NOL4: variants seen among roughly 807,000 people sequenced by gnomAD.
NOL4 encodes cancer/testis antigen 125.
Under a neutral mutation model 75.9 loss-of-function variants are expected in NOL4, and 17 were observed. The ratio of observed to expected loss-of-function variants is 0.22; its 90% CI spans 0.15 to 0.34. NOL4 has a LOEUF of 0.34. Among genes scored for constraint, NOL4 ranks in the 10% least tolerant of loss-of-function variants. The probability of loss-of-function intolerance (pLI) is 1.00; values close to 1 mark genes in which losing one functional copy is unlikely to be tolerated. For missense variants in NOL4, 614 were observed against 793.5 expected (o/e 0.77, Z 2.72); for synonymous variants, 292 against 289.9 (o/e 1.01, Z -0.07).
At chr18:33,886,870 C>CAT (rs2064716926) in intron 9 of NOL4, among the ~76,000 whole-genome samples, 1 of 137,592 alleles carries the variant, frequency 7.3e-6, no homozygotes, top group Admixed American at 7.4e-5. Context: ...TATCTATATA[C>CAT]ATATATATCT....
intron 8 of NOL4, among the ~76,000 whole-genome samples, chr18:33,950,898 C>A (rs2069172446): frequency 6.6e-6 from 1 of 152,102 alleles, no homozygotes; most frequent in Admixed American, 6.6e-5. Flanking sequence ...ACACCAGGTA[C>A]CATACTAGGT....
chr18:34,158,409 C>A (rs2030831521), intron 1 of NOL4, among the ~76,000 whole-genome samples: 1 of 152,110 alleles, frequency 6.6e-6, no homozygotes, highest in Non-Finnish European at 1.5e-5. Context: ...ATTTAATTTA[C>A]CCCCCACCCT....
chr18:33,854,781 G>A (rs1002708035), intron 10 of NOL4, among the ~76,000 whole-genome samples: 1 of 151,552 alleles, frequency 6.6e-6, no homozygotes, highest in Non-Finnish European at 1.5e-5. Context: ...GATGGTTTTT[G>A]CTGTCAATCC....
At chr18:34,196,321 C>G (rs1179329113) in intron 1 of NOL4, among the ~76,000 whole-genome samples, 3 of 152,062 alleles carry the variant, frequency 2.0e-5, no homozygotes, top group African/African-American at 7.2e-5. Context: ...TTTACTCAAA[C>G]TAAGGAAGGT....
intron 9 of NOL4, among the ~76,000 whole-genome samples, chr18:33,938,268 A>G (rs899572516): frequency 7.2e-5 from 11 of 152,128 alleles, no homozygotes; most frequent in African/African-American, 2.4e-4. Flanking sequence ...AACTGTATCT[A>G]GAAATTGCCC....
At chr18:34,108,226 G>T (rs1202159522) in intron 2 of NOL4, among the ~76,000 whole-genome samples, 1 of 152,020 alleles carries the variant, frequency 6.6e-6, no homozygotes, top group Non-Finnish European at 1.5e-5. Context: ...TGAAGAAAAA[G>T]TAATCAAAAC....
At position 34,062,541 on chromosome 18, in the gene NOL4, A is replaced by G. The variant is rs529058121; in HGVS notation, c.772+30924T>C. On this transcript the variant is annotated intron_variant, in intron 5 of 10. Transcript: ENST00000261592. ...CATAAGTGTATAACATGCAGCAGCA[A>G]TAATGCCTGCCATTTCCATTCCATT... 5.9e-5 allele frequency among the ~76,000 whole-genome samples: 9 copies of G among 152,240 alleles called. No homozygotes were observed. In the South Asian group the frequency reaches 1.7e-3, roughly 28 times the overall value.
intron 4 of NOL4, among the ~76,000 whole-genome samples, chr18:34,102,507 G>C (rs557752290): frequency 6.6e-6 from 1 of 151,920 alleles, no homozygotes; most frequent in East Asian, 1.9e-4. Context: ...TTAAGGAAGC[G>C]TGACATCCAA....
intron 9 of NOL4, among the ~76,000 whole-genome samples, chr18:33,925,927 C>CT (rs1183809335): frequency 6.6e-6 from 1 of 152,052 alleles, no homozygotes; most frequent in Non-Finnish European, 1.5e-5. Flanking sequence ...GTAGCTATAA[C>CT]TTTTTTAATG....
intron 6 of NOL4, among the ~76,000 whole-genome samples, chr18:33,973,403 G>A (rs772109711): frequency 1.3e-5 from 2 of 152,154 alleles, no homozygotes; most frequent in African/African-American, 2.4e-5. Context: ...ATTCATGAGG[G>A]TTGGAATCAA....
chr18:33,943,420 A>G (rs1043604436), intron 8 of NOL4, among the ~76,000 whole-genome samples: 1 of 151,890 alleles, frequency 6.6e-6, no homozygotes, highest in Non-Finnish European at 1.5e-5. Flanking sequence ...ATCCATTGTC[A>G]CAAGTATCTA....
intron 9 of NOL4, among the ~76,000 whole-genome samples, chr18:33,919,992 AAG>A (rs1162445526): frequency 3.3e-5 from 5 of 152,214 alleles, no homozygotes; most frequent in African/African-American, 1.2e-4. Context: ...ACATTCATGA[AAG>A]AGCAATCATG....
At chr18:34,184,851 G>A (rs2034331200) in intron 1 of NOL4, among the ~76,000 whole-genome samples, 1 of 152,082 alleles carries the variant, frequency 6.6e-6, no homozygotes, top group Non-Finnish European at 1.5e-5. Flanking sequence ...TAAAAATAGG[G>A]TTTGTATAAA....
intron 10 of NOL4, among the ~76,000 whole-genome samples, chr18:33,870,127 C>G (rs1162065329): frequency 6.6e-6 from 1 of 152,092 alleles, no homozygotes; most frequent in African/African-American, 2.4e-5. Flanking sequence ...ATGGTTAAAT[C>G]TAGCTAATTA....
chr18:34,209,588 A>T lies in NOL4; in HGVS notation c.264+13402T>A, dbSNP rs533409846. ...TCCTCTTCTCAACAGCCACCCAGTG[A>T]TTATATTTTTGGAGGTCTCATTTGT... On this transcript the variant is annotated intron_variant, in intron 1 of 10. Coordinates refer to ENST00000261592, the MANE Select transcript of NOL4 (RefSeq NM_003787.5). 7.2e-4 allele frequency among the ~76,000 whole-genome samples: 109 copies of T among 152,248 alleles called. 1 individual carries two copies. The highest frequency in any genetic ancestry group is 2.5e-3 in the African/African-American group (103 of 41,554).
At chr18:34,050,898 T>A (rs2076599104) in intron 5 of NOL4, among the ~76,000 whole-genome samples, 1 of 151,938 alleles carries the variant, frequency 6.6e-6, no homozygotes, top group Admixed American at 6.6e-5. Flanking sequence ...TGAGAACAAT[T>A]TTTTTCTAAA....
At position 34,023,894 on chromosome 18, in the gene NOL4, C is replaced by T. The variant is rs16965063; in HGVS notation, c.773-4293G>A. ...TTATTGTTTCTCTTTTGCTACTCCCCATTCCCTCCATGAATTAGTAGAGAC... is the reference window on the plus strand; with the variant it reads ...TTATTGTTTCTCTTTTGCTACTCCCTATTCCCTCCATGAATTAGTAGAGAC... On this transcript the variant is annotated intron_variant, in intron 5 of 10. Transcript: ENST00000261592. Among the ~76,000 whole-genome samples, 10 of 152,066 alleles carry T rather than the reference C, an allele frequency of 6.6e-5. No homozygotes were observed. The East Asian group carries it at 1.9e-3, about 29-fold the overall frequency.
chr18:34,031,621 T>C (rs193287377), intron 5 of NOL4, among the ~76,000 whole-genome samples: 298 of 152,304 alleles, frequency 2.0e-3, no homozygotes, highest in African/African-American at 6.5e-3. Context: ...AGTAGATATT[T>C]TATACTTTCA....
intron 1 of NOL4, among the ~76,000 whole-genome samples, chr18:34,147,879 GC>G (rs2081472579): frequency 6.6e-6 from 1 of 152,046 alleles, no homozygotes; most frequent in Non-Finnish European, 1.5e-5. Context: ...ATTAATTACT[GC>G]CTCAATTTCA....
Sources: allele counts gnomAD v4.1 joint callset (sites outside exome capture counted in the v4.1 genomes callset), GRCh38; gene constraint gnomAD v4.1.1; transcripts MANE v1.5; gene names NCBI Gene and HGNC (gene_info 2026-07-23, HGNC 2026-07-21).